The following KLHL13 variants were observed in gnomAD, a reference collection of about 807,000 sequenced individuals.
The protein encoded by KLHL13 is kelch-like protein 13.
KLHL13 carries 10 observed loss-of-function variants against 37.1 expected under a neutral mutation model. The observed-to-expected ratio is 0.27, with a 90% CI of 0.17 to 0.46. The LOEUF (loss-of-function observed/expected upper bound fraction) is 0.46. KLHL13 is among the 20% of genes least tolerant of loss of function. The probability of loss-of-function intolerance (pLI) is 1.00; values close to 1 mark genes in which losing one functional copy is unlikely to be tolerated. For missense variants in KLHL13, 360 were observed against 509.3 expected, an observed-to-expected ratio of 0.71 and a Z score of 2.82; for synonymous variants, 163 against 181.2, an observed-to-expected ratio of 0.90 and a Z score of 0.81.
At chrX:118,052,885 G>A (rs1221765234) in intron 1 of KLHL13, among the ~76,000 whole-genome samples, 3 of 109,981 alleles carry the variant, frequency 2.7e-5, no homozygotes, top group African/African-American at 6.6e-5. Context: ...AATTTTTAAT[G>A]AGTCACAAAA....
At chrX:118,099,089 C>G (rs2148170339) in intron 1 of KLHL13, among the ~76,000 whole-genome samples, 1 of 108,217 alleles carries the variant, frequency 9.2e-6, no homozygotes, top group African/African-American at 3.4e-5. Context: ...TGCACATGTA[C>G]TCTAAAACTT....
chrX:118,038,526 T>C (rs1331091494), intron 1 of KLHL13, among the ~76,000 whole-genome samples: 1 of 110,984 alleles, frequency 9.0e-6, no homozygotes, highest in African/African-American at 3.3e-5. Context: ...GGACTTTCCA[T>C]TGGAACTCAG....
At chrX:118,038,616 G>A (rs1435369120) in intron 1 of KLHL13, among the ~76,000 whole-genome samples, 1 of 111,618 alleles carries the variant, frequency 9.0e-6, no homozygotes, top group African/African-American at 3.3e-5. Context: ...ACCAGGCCTA[G>A]GAAGAGATAA....
At chrX:118,115,916 A>C (rs892842455) in intron 1 of KLHL13, among the ~76,000 whole-genome samples, 1 of 112,496 alleles carries the variant, frequency 8.9e-6, no homozygotes, top group Non-Finnish European at 1.9e-5. Context: ...CTAGACTATA[A>C]GCCTCCAAGA....
At chrX:118,048,372 G>C (rs2054580872) in intron 1 of KLHL13, among the ~76,000 whole-genome samples, 1 of 110,983 alleles carries the variant, frequency 9.0e-6, no homozygotes, top group Non-Finnish European at 1.9e-5. Context: ...AAAATAATAA[G>C]GGAAATGATA....
intron 1 of KLHL13, among the ~76,000 whole-genome samples, chrX:118,098,946 G>T (rs1602723453): frequency 1.4e-5 from 1 of 69,065 alleles, no homozygotes; most frequent in Non-Finnish European, 2.7e-5. Flanking sequence ...AAGGGGGGTG[G>T]GGGAAGGGGG....
chrX:118,003,161 T>A (rs1425702405), intron 1 of KLHL13, among the ~76,000 whole-genome samples: 1 of 112,452 alleles, frequency 8.9e-6, no homozygotes, highest in Non-Finnish European at 1.9e-5. Context: ...TTCCTAACCC[T>A]AAATAACCAG....
chrX:118,032,737 C>T (rs749272816), intron 1 of KLHL13, among the ~76,000 whole-genome samples: 57 of 112,312 alleles, frequency 5.1e-4, no homozygotes, highest in South Asian at 1.9e-3. Context: ...CAAAGCTGGA[C>T]GGAGAATGAC....
At chrX:117,964,748 C>A (rs2053384815) in intron 1 of KLHL13, among the ~76,000 whole-genome samples, 1 of 111,175 alleles carries the variant, frequency 9.0e-6, no homozygotes, top group Non-Finnish European at 1.9e-5. Context: ...TTCCCCCACC[C>A]CATAACAGTC....
chrX:117,951,528 A>C lies in KLHL13; in HGVS notation c.99-5953T>G, dbSNP rs1186795674. On this transcript the variant is annotated intron_variant, in intron 1 of 6. Coordinates refer to ENST00000262820, the Ensembl canonical transcript of KLHL13. ...TTTGTTAGTTATTTGTAGTTTTTTT[A>C]ATGACATAAATATATTATTGTCTAC... Among the ~76,000 whole-genome samples the C allele has an allele frequency of 3.6e-5, 4 of 111,642 alleles. No individual in the cohort carries two copies. The Admixed American group carries it at 3.8e-4, about 11-fold the overall frequency.
chrX:117,926,945 G>A (rs1421772236), intron 2 of KLHL13, among the ~76,000 whole-genome samples: 1 of 78,896 alleles, frequency 1.3e-5, no homozygotes, highest in Admixed American at 1.9e-4. Flanking sequence ...TCGCTCTGTC[G>A]CCCAGGCTGG....
intron 1 of KLHL13, among the ~76,000 whole-genome samples, chrX:118,001,250 C>A (rs2053917555): frequency 1.8e-5 from 2 of 111,440 alleles, no homozygotes; most frequent in Non-Finnish European, 3.8e-5. Context: ...AAAAGATGAC[C>A]TTTGGAAACT....
chrX:117,909,170 T>C, intron 5 of KLHL13, 131 bp downstream of exon 6: 1 of 588,183 alleles, frequency 1.7e-6, no homozygotes, highest in Non-Finnish European at 2.6e-6. Context: ...CAATATTTTC[T>C]CAGAAAAATA....
intron 1 of KLHL13, among the ~76,000 whole-genome samples, chrX:118,007,834 T>A (rs2054004377): frequency 9.0e-6 from 1 of 111,653 alleles, no homozygotes; most frequent in African/African-American, 3.3e-5. Flanking sequence ...ACAAAGCCTT[T>A]AAATTGCCAT....
intron 1 of KLHL13, among the ~76,000 whole-genome samples, chrX:118,063,865 A>C (rs2054768423): frequency 8.9e-6 from 1 of 112,218 alleles, no homozygotes; most frequent in East Asian, 2.8e-4. Context: ...AAGAGAGCAC[A>C]GTCTTATCTT....
At chrX:117,905,990 T>C (rs1393343501) in intron 5 of KLHL13, among the ~76,000 whole-genome samples, 1 of 111,594 alleles carries the variant, frequency 9.0e-6, no homozygotes, top group Non-Finnish European at 1.9e-5. Context: ...TATGAAGTGA[T>C]ATACTGGTAC....
intron 1 of KLHL13, among the ~76,000 whole-genome samples, chrX:117,996,787 G>C (rs531369170): frequency 9.5e-6 from 1 of 105,730 alleles, no homozygotes; most frequent in Non-Finnish European, 1.9e-5. Flanking sequence ...CCAGTAGCAC[G>C]CACATAATAC....
chrX:118,003,231 C>G, intron 1 of KLHL13, among the ~76,000 whole-genome samples: 1 of 112,192 alleles, frequency 8.9e-6, no homozygotes, highest in Non-Finnish European at 1.9e-5. Context: ...AAAGGCTTCA[C>G]TCTGGCCAGG....
chrX:117,923,386 C>T (rs918316698), intron 2 of KLHL13, among the ~76,000 whole-genome samples: 2 of 111,718 alleles, frequency 1.8e-5, no homozygotes, highest in Admixed American at 1.9e-4. Context: ...CTGTATGCCC[C>T]CTTTATGTTT....
Sources: gnomAD v4.1 joint callset for allele counts (sites outside exome capture counted in the v4.1 genomes callset) on GRCh38, gnomAD v4.1.1 for gene constraint, MANE v1.5 for transcripts, NCBI Gene and HGNC (gene_info 2026-07-23, HGNC 2026-07-21) for gene names.